CNTNAP4: variants seen among roughly 807,000 people sequenced by gnomAD.
CNTNAP4 encodes contactin associated protein family member 4, also known as contactin-associated protein-like 4.
In CNTNAP4, 98 loss-of-function variants were observed where a neutral mutation model predicts 148.4. The observed-to-expected ratio is 0.66, with a 90% CI of 0.56 to 0.78. The LOEUF (loss-of-function observed/expected upper bound fraction) is 0.78. CNTNAP4 is among the 30% of genes least tolerant of loss of function. The probability of loss-of-function intolerance (pLI) is 0.00; values close to 1 mark genes in which losing one functional copy is unlikely to be tolerated. For missense variants in CNTNAP4, 1,935 were observed against 1,565.6 expected (o/e 1.24, Z -3.98); for synonymous variants, 730 against 565.1 (o/e 1.29, Z -4.14).
chr16:76,347,259 G>T (rs547958444), intron 2 of CNTNAP4, among the ~76,000 whole-genome samples: 1 of 152,036 alleles, frequency 6.6e-6, no homozygotes, highest in Admixed American at 6.6e-5. Flanking sequence ...TTTGGGTACA[G>T]TTCCAGCTTT....
intron 23 of CNTNAP4, among the ~76,000 whole-genome samples, chr16:76,555,627 A>G (rs2085166234): frequency 6.6e-6 from 1 of 152,252 alleles, no homozygotes; most frequent in Non-Finnish European, 1.5e-5. Flanking sequence ...TGCTAGAACA[A>G]AATATTTAAT....
chr16:76,519,659 T>C (rs1425217374), intron 15 of CNTNAP4, among the ~76,000 whole-genome samples: 1 of 152,206 alleles, frequency 6.6e-6, no homozygotes, highest in Non-Finnish European at 1.5e-5. Flanking sequence ...CTTGCATTTA[T>C]TTTGTCCTAG....
chr16:76,478,861 AT>A (rs1403597589), intron 11 of CNTNAP4, among the ~76,000 whole-genome samples: 1 of 152,142 alleles, frequency 6.6e-6, no homozygotes, highest in African/African-American at 2.4e-5. Context: ...ACTTAAAATT[AT>A]TGATGAGCTT....
intron 3 of CNTNAP4, among the ~76,000 whole-genome samples, chr16:76,404,235 G>C (rs907177842): frequency 1.3e-5 from 2 of 150,704 alleles, no homozygotes; most frequent in African/African-American, 4.9e-5. Flanking sequence ...AAATTAAAAA[G>C]GTAAATGTAA....
At chr16:76,393,294 C>T (rs1035941098) in intron 3 of CNTNAP4, among the ~76,000 whole-genome samples, 60 of 152,274 alleles carry the variant, frequency 3.9e-4, no homozygotes, top group Admixed American at 1.4e-3. Flanking sequence ...TCAGATGTGG[C>T]ATTAATCATA....
chr16:76,356,234 C>T (rs1444281493), intron 3 of CNTNAP4, among the ~76,000 whole-genome samples: 3 of 152,228 alleles, frequency 2.0e-5, no homozygotes, highest in African/African-American at 4.8e-5. Context: ...CTTCTGATAA[C>T]TGAGATTTTT....
At chr16:76,543,650 T>A (rs4075992) in intron 21 of CNTNAP4, among the ~76,000 whole-genome samples, 6,034 of 152,232 alleles carry the variant, frequency 0.04, 307 homozygotes, top group East Asian at 0.27. Context: ...GATTTAGCAA[T>A]GTTCAGGGAG....
rs189041669 is a variant in CNTNAP4 at position 76,439,563 on chromosome 16, G to A, written c.539-8449G>A. On this transcript the variant is annotated intron_variant, in intron 4 of 23. Coordinates refer to ENST00000611870, the MANE Select transcript of CNTNAP4 (RefSeq NM_033401.5). ...TTACATCCTCCGGTGATGCATTCAAGTGTCCTTGACATAGTGGATATTACT... is the reference window on the plus strand; with the variant it reads ...TTACATCCTCCGGTGATGCATTCAAATGTCCTTGACATAGTGGATATTACT... Among the ~76,000 whole-genome samples the A allele has an allele frequency of 4.6e-5, 7 of 152,234 alleles. No homozygotes were observed. The East Asian group carries it at 9.7e-4, about 21-fold the overall frequency.
intron 2 of CNTNAP4, among the ~76,000 whole-genome samples, chr16:76,318,842 C>T (rs1962108003): frequency 6.6e-6 from 1 of 150,950 alleles, no homozygotes; most frequent in Non-Finnish European, 1.5e-5. Flanking sequence ...CATAATATTT[C>T]AGTCAGGCTA....
At chr16:76,280,630 TTC>T (rs2143731797) in intron 1 of CNTNAP4, among the ~76,000 whole-genome samples, 1 of 152,218 alleles carries the variant, frequency 6.6e-6, no homozygotes, top group Admixed American at 6.5e-5. Context: ...CATAATTTTT[TTC>T]TCTTTGTTCT....
At chr16:76,381,441 G>A (rs2015954607) in intron 3 of CNTNAP4, among the ~76,000 whole-genome samples, 2 of 152,188 alleles carry the variant, frequency 1.3e-5, no homozygotes. Flanking sequence ...CTAGTGGAAA[G>A]AGGATGCAGA....
intron 21 of CNTNAP4, among the ~76,000 whole-genome samples, chr16:76,542,087 C>T (rs2084486189): frequency 6.6e-6 from 1 of 152,116 alleles, no homozygotes; most frequent in Admixed American, 6.5e-5. Flanking sequence ...ACAGATAAGA[C>T]CGTGTGCACT....
chr16:76,529,845 G>C (rs1176708921), intron 17 of CNTNAP4, among the ~76,000 whole-genome samples: 1 of 139,674 alleles, frequency 7.2e-6, no homozygotes, highest in South Asian at 2.2e-4. Context: ...AATCTCAGCT[G>C]TGTGTGTGTG....
chr16:76,361,455 G>T (rs529575781), intron 3 of CNTNAP4, among the ~76,000 whole-genome samples: 78 of 151,614 alleles, frequency 5.1e-4, no homozygotes, highest in Middle Eastern at 3.4e-3. Context: ...GTCAAAGTTT[G>T]TTTGTGCTGA....
At chr16:76,414,679 A>G (rs910301163) in intron 3 of CNTNAP4, among the ~76,000 whole-genome samples, 5 of 151,354 alleles carry the variant, frequency 3.3e-5, no homozygotes, top group Admixed American at 6.6e-5. Context: ...GAATATGTTT[A>G]CAATTATGCA....
At chr16:76,293,457 T>C (rs1368087227) in intron 1 of CNTNAP4, among the ~76,000 whole-genome samples, 1 of 152,188 alleles carries the variant, frequency 6.6e-6, no homozygotes, top group Non-Finnish European at 1.5e-5. Context: ...TATAACAATA[T>C]TTATGAGCTG....
chr16:76,289,437 A>G (rs1403823535), intron 1 of CNTNAP4, among the ~76,000 whole-genome samples: 1 of 151,936 alleles, frequency 6.6e-6, no homozygotes, highest in Non-Finnish European at 1.5e-5. Flanking sequence ...TCTTTTCATT[A>G]TTAACTTTTA....
intron 1 of CNTNAP4, among the ~76,000 whole-genome samples, chr16:76,314,381 CAG>C (rs1362152837): frequency 6.6e-6 from 1 of 152,126 alleles, no homozygotes; most frequent in Non-Finnish European, 1.5e-5. Context: ...ACTCGATAGA[CAG>C]AGTAGGGCAT....
At chr16:76,316,143 G>T in intron 1 of CNTNAP4, 1 of 475,712 alleles carries the variant, frequency 2.1e-6, no homozygotes, top group Non-Finnish European at 3.7e-6. Context: ...CTTTTATAAT[G>T]AGGTATAATC....
Sources: gnomAD v4.1 joint callset for allele counts (sites outside exome capture counted in the v4.1 genomes callset) on GRCh38, gnomAD v4.1.1 for gene constraint, MANE v1.5 for transcripts, NCBI Gene and HGNC (gene_info 2026-07-23, HGNC 2026-07-21) for gene names.